Variants in PSMF1 observed in about 807,000 individuals in gnomAD.
PSMF1 encodes the protein proteasome inhibitor subunit 1.
A neutral mutation model predicts 29.3 loss-of-function variants in PSMF1; 30 were observed. That is an observed-to-expected ratio of 1.02 (90% CI 0.77 to 1.39). PSMF1 has a LOEUF of 1.39. PSMF1 is among the 40% of genes most tolerant of loss of function. The pLI is 0.00. For missense variants in PSMF1, 344 were observed against 357.5 expected (o/e 0.96, Z 0.31); for synonymous variants, 134 against 139.7 (o/e 0.96, Z 0.29).
At chr20:1,121,081 A>G (rs909318590) in intron 1 of PSMF1, among the ~76,000 whole-genome samples, 1 of 152,192 alleles carries the variant, frequency 6.6e-6, no homozygotes, top group Non-Finnish European at 1.5e-5. Flanking sequence ...CAAGGCTCCA[A>G]AATTTTCAGA....
At chr20:1,156,220 A>T (rs1443975541) in intron 4 of PSMF1, among the ~76,000 whole-genome samples, 2 of 152,224 alleles carry the variant, frequency 1.3e-5, no homozygotes, top group East Asian at 3.8e-4. Context: ...TCCTATCTGA[A>T]CAACAGAGAG....
intron 3 of PSMF1, among the ~76,000 whole-genome samples, chr20:1,133,569 A>ATATATATATATATATATTTTTTT: frequency 1.1e-3 from 58 of 53,264 alleles, no homozygotes; most frequent in Non-Finnish European, 1.7e-3. Context: ...ATATATATAT[A>ATATATATATATATATATTTTTTT]TTTTTTTTTT....
intron 3 of PSMF1, among the ~76,000 whole-genome samples, chr20:1,132,885 G>A (rs557336269): frequency 1.3e-5 from 2 of 151,342 alleles, no homozygotes; most frequent in East Asian, 3.9e-4. Context: ...TTCATTGTTA[G>A]TGTGTAGAAA....
At chr20:1,161,217 C>A in intron 4 of PSMF1, 1 of 323,010 alleles carries the variant, frequency 3.1e-6, no homozygotes. Flanking sequence ...CAAGGAGAAG[C>A]AGTGCTGCGT....
Position 1,165,158 on chromosome 20 carries a change from T to C in PSMF1, c.*78T>C. ...ACCGCTGTCCCCATCAGCAACCATG[T>C]TCTTGCAGGCTGGGGGCAAGGGATT... On this transcript the variant is annotated 3_prime_UTR_variant, in exon 7 of 7. Transcript: ENST00000335877. 2 of 1,611,642 alleles carry C rather than the reference T, an allele frequency of 1.2e-6. No individual in the cohort carries two copies. The highest frequency in any genetic ancestry group is 4.5e-5 in the East Asian group (2 of 44,842).
At chr20:1,147,176 T>TCATCATCATCACCAC (rs1248666704) in intron 4 of PSMF1, among the ~76,000 whole-genome samples, 1 of 132,378 alleles carries the variant, frequency 7.6e-6, no homozygotes. Context: ...ATCATCATCA[T>TCATCATCATCACCAC]CACCACCCTG....
chr20:1,134,085 T>C (rs756381127), intron 3 of PSMF1, among the ~76,000 whole-genome samples: 3 of 111,524 alleles, frequency 2.7e-5, no homozygotes, highest in Non-Finnish European at 6.6e-5. Flanking sequence ...CTTGTTTTTC[T>C]TTTTTATTGA....
At chr20:1,144,904 T>C (rs2086429762) in intron 4 of PSMF1, among the ~76,000 whole-genome samples, 1 of 152,120 alleles carries the variant, frequency 6.6e-6, no homozygotes, top group Non-Finnish European at 1.5e-5. Context: ...TGAATCTTTT[T>C]TTTTCTTTTT....
At chr20:1,158,365 C>G (rs2086620916) in intron 4 of PSMF1, among the ~76,000 whole-genome samples, 1 of 152,080 alleles carries the variant, frequency 6.6e-6, no homozygotes, top group Admixed American at 6.5e-5. Context: ...TATGGCAGGC[C>G]CTGTGGGTGT....
At chr20:1,150,893 A>T (rs2086522250) in intron 4 of PSMF1, among the ~76,000 whole-genome samples, 1 of 152,162 alleles carries the variant, frequency 6.6e-6, no homozygotes, top group Non-Finnish European at 1.5e-5. Context: ...AGAAGCTTTA[A>T]TGGTTTACCT....
chr20:1,123,815 A>G (rs1394375801), intron 1 of PSMF1, among the ~76,000 whole-genome samples: 1 of 152,260 alleles, frequency 6.6e-6, no homozygotes, highest in Non-Finnish European at 1.5e-5. Context: ...CAGGGACTGG[A>G]GGTTCCCATT....
chr20:1,149,391 G>A (rs969804576), intron 4 of PSMF1, among the ~76,000 whole-genome samples: 1 of 152,144 alleles, frequency 6.6e-6, no homozygotes, highest in East Asian at 1.9e-4. Flanking sequence ...GTAGAAGATC[G>A]TGTATTTTGG....
intron 4 of PSMF1, among the ~76,000 whole-genome samples, chr20:1,153,445 CTT>C (rs2086556200): frequency 1.3e-5 from 2 of 152,180 alleles, no homozygotes; most frequent in Admixed American, 1.3e-4. Context: ...TGTTGAGTCT[CTT>C]CTTGGGCATT....
At chr20:1,130,015 C>G (rs1032861031) in intron 3 of PSMF1, among the ~76,000 whole-genome samples, 1 of 152,126 alleles carries the variant, frequency 6.6e-6, no homozygotes, top group African/African-American at 2.4e-5. Context: ...AATTCTGGCC[C>G]GTGCTACAAC....
chr20:1,150,669 T>G (rs1479801725), intron 4 of PSMF1, among the ~76,000 whole-genome samples: 1 of 152,206 alleles, frequency 6.6e-6, no homozygotes, highest in Non-Finnish European at 1.5e-5. Flanking sequence ...AGTCCTTCAT[T>G]AAATATATGT....
Position 1,166,130 on chromosome 20 carries a change from G to T in PSMF1, c.*1050G>T. The T allele has an allele frequency of 7.7e-6, 12 of 1,565,494 alleles. No homozygotes were observed. In the South Asian group the frequency reaches 1.4e-4, roughly 18 times the overall value. On this transcript the variant is annotated 3_prime_UTR_variant, in exon 7 of 7. Transcript: ENST00000335877. ...CAGACAGAGCACAGGAGCATGGGCT[G>T]CCTCTGAGTGTGGTGTTGAACTTCG...
At chr20:1,129,484 C>G (rs1310549359) in intron 3 of PSMF1, among the ~76,000 whole-genome samples, 3 of 152,244 alleles carry the variant, frequency 2.0e-5, no homozygotes, top group Non-Finnish European at 4.4e-5. Context: ...TTCTCCTCCC[C>G]TCTTCCATGC....
intron 3 of PSMF1, among the ~76,000 whole-genome samples, chr20:1,133,801 TCA>T (rs1175959791): frequency 1.3e-5 from 2 of 151,682 alleles, no homozygotes; most frequent in Non-Finnish European, 2.9e-5. Flanking sequence ...TAAGTGTAAT[TCA>T]GTTTCTTTAA....
intron 4 of PSMF1, among the ~76,000 whole-genome samples, chr20:1,153,809 T>C (rs954878825): frequency 1.3e-5 from 2 of 152,194 alleles, no homozygotes; most frequent in African/African-American, 4.8e-5. Context: ...TCAGGTGCAG[T>C]TGAGGCTCCT....
Sources: gnomAD v4.1 joint callset for allele counts (sites outside exome capture counted in the v4.1 genomes callset) on GRCh38, gnomAD v4.1.1 for gene constraint, MANE v1.5 for transcripts, NCBI Gene and HGNC (gene_info 2026-07-23, HGNC 2026-07-21) for gene names.